The following KLHL8 variants were observed in gnomAD, a reference collection of about 807,000 sequenced individuals.
The protein encoded by KLHL8 is kelch-like protein 8.
A neutral mutation model predicts 63.5 loss-of-function variants in KLHL8; 38 were observed. The observed-to-expected ratio is 0.60, with a 90% CI of 0.46 to 0.78. KLHL8 has a LOEUF of 0.78. Among genes scored for constraint, KLHL8 ranks in the 30% least tolerant of loss-of-function variants. The pLI is 0.00. For missense variants in KLHL8, 566 were observed against 752.4 expected (o/e 0.75, Z 2.90); for synonymous variants, 224 against 254.3 (o/e 0.88, Z 1.13).
chr4:87,231,280 C>T (rs1733134265), intron 1 of KLHL8, among the ~76,000 whole-genome samples: 1 of 152,170 alleles, frequency 6.6e-6, no homozygotes, highest in Non-Finnish European at 1.5e-5. Flanking sequence ...CCCTTTCTTT[C>T]TTTCTTCCCT....
chr4:87,175,196 T>C (rs1474231086), intron 6 of KLHL8, among the ~76,000 whole-genome samples: 2 of 152,220 alleles, frequency 1.3e-5, no homozygotes, highest in East Asian at 3.8e-4. Context: ...TTTAAAAATG[T>C]ACAGAGAGTC....
chr4:87,238,092 T>C (rs1398671933), intron 1 of KLHL8, among the ~76,000 whole-genome samples: 2 of 152,020 alleles, frequency 1.3e-5, no homozygotes, highest in African/African-American at 2.4e-5. Flanking sequence ...TGCACAACCA[T>C]GCTGGGCTAA....
At chr4:87,231,096 C>T (rs1446162264) in intron 1 of KLHL8, among the ~76,000 whole-genome samples, 1 of 152,058 alleles carries the variant, frequency 6.6e-6, no homozygotes, top group Non-Finnish European at 1.5e-5. Context: ...TCCCTGAAAG[C>T]GGATTTCAAC....
chr4:87,193,011 G>C (rs1731551561), intron 2 of KLHL8, among the ~76,000 whole-genome samples: 1 of 151,982 alleles, frequency 6.6e-6, no homozygotes, highest in Admixed American at 6.6e-5. Flanking sequence ...GGAAAGCCTA[G>C]GACTTTATTG....
intron 2 of KLHL8, among the ~76,000 whole-genome samples, chr4:87,191,406 G>C (rs1731482448): frequency 6.6e-6 from 1 of 152,158 alleles, no homozygotes; most frequent in Non-Finnish European, 1.5e-5. Flanking sequence ...AGGTTGCCAT[G>C]ACCCATGACT....
chr4:87,185,857 C>T (rs1013843168), intron 2 of KLHL8, 58 bp from the exon 3 acceptor site: 13 of 1,397,166 alleles, frequency 9.3e-6, no homozygotes, highest in Non-Finnish European at 8.6e-6. Context: ...TTCAGGTCAG[C>T]ATTTAACATG....
intron 6 of KLHL8, among the ~76,000 whole-genome samples, chr4:87,173,655 C>A (rs1730715205): frequency 6.6e-6 from 1 of 152,178 alleles, no homozygotes; most frequent in African/African-American, 2.4e-5. Flanking sequence ...ATTTTTCACA[C>A]AGATTGTAAA....
At chr4:87,168,734 G>T (rs1730509702) in intron 8 of KLHL8, among the ~76,000 whole-genome samples, 1 of 146,942 alleles carries the variant, frequency 6.8e-6, no homozygotes, top group African/African-American at 2.5e-5. Context: ...ATATATATGT[G>T]TGTATATATA....
In KLHL8 at chr4:87,185,786, A is replaced by C; in HGVS notation, c.230T>G (p.Leu77Arg). ...CAATACCAGCTTGTGACAAGAGATT[A>C]GCTTTGAGCCAACCTGTTCAAAAGA... ...CDVTLKVGSK[L>R]ISCHKLVLAC... The change falls in exon 3 of 10, where the codon CTA becomes CGA. Residue 77 changes from leucine to arginine, a missense_variant. Physicochemically the swap from Leu to Arg is moderately radical, Grantham distance 102. Coordinates refer to ENST00000273963, the MANE Select transcript of KLHL8 (RefSeq NM_020803.5). 2.5e-6 allele frequency: 4 copies of C among 1,605,716 alleles called. No homozygotes were observed. Among genetic ancestry groups the C allele is most frequent in the Non-Finnish European group, 3.4e-6 (4 of 1,175,862 alleles).
chr4:87,233,991 A>G (rs548725754), intron 1 of KLHL8, among the ~76,000 whole-genome samples: 1 of 152,374 alleles, frequency 6.6e-6, no homozygotes, highest in Middle Eastern at 3.4e-3. Flanking sequence ...ATTTGTCACA[A>G]TCAGTGTTCA....
intron 6 of KLHL8, among the ~76,000 whole-genome samples, chr4:87,173,082 T>C (rs144737463): frequency 0.01 from 1,561 of 152,266 alleles, 13 homozygotes; most frequent in Non-Finnish European, 0.014. Context: ...ACCACTTTCA[T>C]GCTCTTTGCT....
chr4:87,207,921 C>G (rs767513787), intron 1 of KLHL8: 19 of 1,238,358 alleles, frequency 1.5e-5, no homozygotes, highest in Middle Eastern at 2.6e-4. Context: ...ACACTGAGCA[C>G]CAGGCTGTCT....
intron 3 of KLHL8, among the ~76,000 whole-genome samples, chr4:87,183,941 A>T (rs141957382): frequency 1.6e-4 from 25 of 152,318 alleles, no homozygotes; most frequent in African/African-American, 5.1e-4. Flanking sequence ...CTCTTTCAAC[A>T]GAGGCATTCA....
At chr4:87,187,872 G>A (rs1731329037) in intron 2 of KLHL8, among the ~76,000 whole-genome samples, 1 of 152,096 alleles carries the variant, frequency 6.6e-6, no homozygotes, top group African/African-American at 2.4e-5. Flanking sequence ...CTGTTTTCAT[G>A]TAGTGTTTTG....
At chr4:87,210,286 C>T (rs963080985) in intron 1 of KLHL8, among the ~76,000 whole-genome samples, 2 of 152,060 alleles carry the variant, frequency 1.3e-5, no homozygotes, top group Non-Finnish European at 2.9e-5. Context: ...TCGAGACCAT[C>T]GGCTAACACG....
At chr4:87,237,927 G>A (rs1733261749) in intron 1 of KLHL8, among the ~76,000 whole-genome samples, 1 of 151,988 alleles carries the variant, frequency 6.6e-6, no homozygotes, top group Non-Finnish European at 1.5e-5. Flanking sequence ...TTCTGTTAAT[G>A]TGTTTTAGTG....
chr4:87,173,641 T>C lies in KLHL8; in HGVS notation c.1209-3026A>G, dbSNP rs141408694. Reference sequence around the variant, plus strand: ...TAATATGACAAAATAATTGTAGCTCTATTATTTTTCACACAGATTGTAAAT... The same window carrying C: ...TAATATGACAAAATAATTGTAGCTCCATTATTTTTCACACAGATTGTAAAT... On this transcript the variant is annotated intron_variant, in intron 6 of 9. Coordinates refer to ENST00000273963, the MANE Select transcript of KLHL8 (RefSeq NM_020803.5). Among the ~76,000 whole-genome samples the C allele has an allele frequency of 4.0e-3, 611 of 152,364 alleles. 4 individuals carry two copies. The highest frequency in any genetic ancestry group is 0.014 in the African/African-American group (594 of 41,586).
rs1414317695 is a variant in KLHL8, at chr4:87,239,638, G to C, written n.57+620C>G. Among the ~76,000 whole-genome samples the C allele has an allele frequency of 3.3e-5, 5 of 152,028 alleles. No homozygotes were observed. The East Asian group carries it at 9.7e-4, about 29-fold the overall frequency. On this transcript the variant is annotated intron_variant and non_coding_transcript_variant, in intron 1 of 1. Transcript: ENST00000506274. ...CTTTCACCCTCCTTCAAATAATCCA[G>C]AACATATGCAAGAGGCAGCAGGTGT... is the stretch of plus-strand genomic sequence containing the variant.
At chr4:87,211,443 G>C (rs1011977762) in intron 1 of KLHL8, among the ~76,000 whole-genome samples, 4 of 152,122 alleles carry the variant, frequency 2.6e-5, no homozygotes, top group Admixed American at 6.6e-5. Context: ...AGCTTCAATA[G>C]TTCCTACTCA....
Sources: allele counts gnomAD v4.1 joint callset (sites outside exome capture counted in the v4.1 genomes callset), GRCh38; gene constraint gnomAD v4.1.1; transcripts MANE v1.5; gene names NCBI Gene and HGNC (gene_info 2026-07-23, HGNC 2026-07-21).